LTBP1: variants seen among roughly 807,000 people sequenced by gnomAD.
LTBP1 encodes the protein latent transforming growth factor beta binding protein 1.
In LTBP1, 129 loss-of-function variants were observed where a neutral mutation model predicts 207.6. The ratio of observed to expected loss-of-function variants is 0.62; its 90% CI spans 0.54 to 0.72. The LOEUF is 0.72. LTBP1 is among the 30% of genes least tolerant of loss of function. The probability of loss-of-function intolerance (pLI) is 0.00; values close to 1 mark genes in which losing one functional copy is unlikely to be tolerated. For synonymous variants in LTBP1, 963 were observed against 833.7 expected, an observed-to-expected ratio of 1.16 and a Z score of -2.67; for missense variants, 2,281 against 2,217.2, an observed-to-expected ratio of 1.03 and a Z score of -0.58.
intron 31 of LTBP1, among the ~76,000 whole-genome samples, chr2:33,369,251 A>T (rs565247447): frequency 7.4e-4 from 112 of 152,332 alleles, no homozygotes; most frequent in African/African-American, 2.5e-3. Flanking sequence ...GTATATCCAC[A>T]GTTATTATGA....
In LTBP1 at chr2:33,186,842, C is replaced by G; in HGVS notation, c.1202-14C>G. ...GACTAACCAACTCTCCATGTTTTCT[C>G]TTTTCCCTTTTAGTAATTTGCCATC... On this transcript the variant is annotated splice_polypyrimidine_tract_variant and intron_variant, in intron 5 of 33. Coordinates refer to ENST00000404816, the MANE Select transcript of LTBP1 (RefSeq NM_206943.4). 2 of 1,606,980 alleles carry G rather than the reference C, an allele frequency of 1.2e-6. No homozygotes were observed. Among genetic ancestry groups the G allele is most frequent in the Non-Finnish European group, 1.7e-6 (2 of 1,173,606 alleles).
chr2:33,379,027 T>C (rs17012911), intron 31 of LTBP1, among the ~76,000 whole-genome samples: 8,200 of 152,124 alleles, frequency 0.054, 629 homozygotes, highest in East Asian at 0.23. Context: ...TTACAAAACA[T>C]TAGCTCATTG....
At position 33,275,106 on chromosome 2, in the gene LTBP1, T is replaced by C. The variant is rs1402319122; in HGVS notation, c.2869+16T>C. ...AACTGCATAGGTAATGGCAGCATTC[T>C]TCCTGCTTACAAATTCTTAGATCTG... is the stretch of plus-strand genomic sequence containing the variant. On this transcript the variant is annotated intron_variant, in intron 17 of 33. Coordinates refer to ENST00000404816, the MANE Select transcript of LTBP1 (RefSeq NM_206943.4). 3 of 1,613,008 alleles carry C rather than the reference T, an allele frequency of 1.9e-6. No individual in the cohort carries two copies. The highest frequency in any genetic ancestry group is 2.5e-6 in the Non-Finnish European group (3 of 1,179,384).
chr2:33,079,231 A>G (rs2078261193), intron 3 of LTBP1, among the ~76,000 whole-genome samples: 1 of 152,210 alleles, frequency 6.6e-6, no homozygotes, highest in Admixed American at 6.5e-5. Context: ...CTTAGTCCTC[A>G]AGGATGAAAC....
At chr2:33,174,041 C>T (rs1284365430) in intron 5 of LTBP1, among the ~76,000 whole-genome samples, 2 of 140,750 alleles carry the variant, frequency 1.4e-5, no homozygotes, top group East Asian at 4.0e-4. Context: ...AAACCCACAG[C>T]CAATATCATA....
intron 19 of LTBP1, among the ~76,000 whole-genome samples, chr2:33,286,819 A>G (rs1383083327): frequency 6.6e-6 from 1 of 152,204 alleles, no homozygotes; most frequent in African/African-American, 2.4e-5. Flanking sequence ...TTCTCAGCAA[A>G]CTATCGCAAG....
chr2:32,952,634 A>AT (rs940165494), intron 2 of LTBP1, among the ~76,000 whole-genome samples: 3 of 151,568 alleles, frequency 2.0e-5, no homozygotes, highest in African/African-American at 7.3e-5. Context: ...GCCTCCTATC[A>AT]TTTTTGTAGT....
chr2:32,959,617 ATATAT>A (rs1217643495), intron 2 of LTBP1, among the ~76,000 whole-genome samples: 2 of 38,554 alleles, frequency 5.2e-5, no homozygotes, highest in African/African-American at 1.6e-4. Context: ...ATATATATAT[ATATAT>A]TTTTTTTTTT....
At chr2:33,234,522 G>A (rs1250857578) in intron 9 of LTBP1, among the ~76,000 whole-genome samples, 1 of 152,114 alleles carries the variant, frequency 6.6e-6, no homozygotes, top group African/African-American at 2.4e-5. Flanking sequence ...CAAGGGATGT[G>A]AAGGACCTCT....
In LTBP1 at chr2:33,242,135, A is replaced by G. The variant is rs564676806; in HGVS notation, c.1877-1527A>G. Among the ~76,000 whole-genome samples the G allele has an allele frequency of 2.0e-3, 311 of 152,346 alleles. 4 individuals carry two copies. The highest frequency in any genetic ancestry group is 6.5e-3 in the African/African-American group (270 of 41,580). On this transcript the variant is annotated intron_variant, in intron 9 of 33. Coordinates refer to ENST00000404816, the MANE Select transcript of LTBP1 (RefSeq NM_206943.4). ...CATGCTCTGAGTAAAATATGTACGT[A>G]TAGATCACGATGCCTACTTAGAACA...
At chr2:33,208,822 GAGTAAAACTGAAGATTTT>G (rs1346318731) in intron 7 of LTBP1, among the ~76,000 whole-genome samples, 5 of 151,556 alleles carry the variant, frequency 3.3e-5, no homozygotes, top group Non-Finnish European at 5.9e-5. Context: ...GGGAGGTGGG[GAGTAAAACTGAAGATTTT>G]AGTGTCTAGT....
At chr2:33,366,334 C>A (rs1364624565) in intron 31 of LTBP1, among the ~76,000 whole-genome samples, 2 of 152,152 alleles carry the variant, frequency 1.3e-5, no homozygotes, top group African/African-American at 4.8e-5. Flanking sequence ...TGAATATATT[C>A]TCAGAATGGT....
chr2:33,037,474 T>C (rs1558545243), intron 3 of LTBP1, among the ~76,000 whole-genome samples: 1 of 152,242 alleles, frequency 6.6e-6, no homozygotes, highest in Non-Finnish European at 1.5e-5. Flanking sequence ...TCTATTTGAC[T>C]CTTTTCAAAT....
At chr2:33,329,773 A>G (rs938101518) in intron 24 of LTBP1, among the ~76,000 whole-genome samples, 2 of 152,074 alleles carry the variant, frequency 1.3e-5, no homozygotes, top group African/African-American at 4.8e-5. Context: ...ACATTGTCCT[A>G]GTTACAGTAG....
chr2:33,199,542 G>A (rs1271505729), intron 7 of LTBP1, among the ~76,000 whole-genome samples: 1 of 152,132 alleles, frequency 6.6e-6, no homozygotes, highest in South Asian at 2.1e-4. Flanking sequence ...AAAACTGGAA[G>A]CATTCCCTTT....
chr2:33,021,777 T>C (rs2075182530), intron 3 of LTBP1, among the ~76,000 whole-genome samples: 1 of 152,152 alleles, frequency 6.6e-6, no homozygotes, highest in Admixed American at 6.5e-5. Context: ...TGTTTTCTAT[T>C]TATGGGAACA....
At chr2:33,345,289 A>T (rs72859594) in intron 25 of LTBP1, among the ~76,000 whole-genome samples, 2 of 152,120 alleles carry the variant, frequency 1.3e-5, no homozygotes, top group Non-Finnish European at 2.9e-5. Context: ...ATGTACAATT[A>T]TTTTGTTCAT....
intron 7 of LTBP1, among the ~76,000 whole-genome samples, chr2:33,205,010 G>A (rs144751545): frequency 6.2e-4 from 94 of 152,294 alleles, no homozygotes; most frequent in Non-Finnish European, 8.2e-4. Flanking sequence ...CTACCAAGGT[G>A]TCTTTGAGCC....
chr2:33,090,803 A>C (rs1156246116), intron 3 of LTBP1, among the ~76,000 whole-genome samples: 1 of 152,216 alleles, frequency 6.6e-6, no homozygotes, highest in East Asian at 1.9e-4. Context: ...AATGAAATAT[A>C]ACTCAACGCC....
Sources: gnomAD v4.1 joint callset for allele counts (sites outside exome capture counted in the v4.1 genomes callset) on GRCh38, gnomAD v4.1.1 for gene constraint, MANE v1.5 for transcripts, NCBI Gene and HGNC (gene_info 2026-07-23, HGNC 2026-07-21) for gene names.